FAM240A: variants seen among roughly 807,000 people sequenced by gnomAD.
FAM240A encodes protein FAM240A.
FAM240A carries 8 observed loss-of-function variants against 7.3 expected under a neutral mutation model. The ratio of observed to expected loss-of-function variants is 1.09; its 90% CI spans 0.64 to 1.97. The LOEUF (loss-of-function observed/expected upper bound fraction) is 1.97. Among genes scored for constraint, FAM240A ranks in the 30% most tolerant of loss-of-function variants. FAM240A has a pLI of 0.00. For missense variants in FAM240A, 90 were observed against 102.2 expected (o/e 0.88, Z 0.52); for synonymous variants, 32 against 35.9 (o/e 0.89, Z 0.38).
chr3:46,622,383 G>A (rs1422681979), intron 2 of FAM240A, among the ~76,000 whole-genome samples: 1 of 151,992 alleles, frequency 6.6e-6, no homozygotes, highest in Non-Finnish European at 1.5e-5. Context: ...TGGGATTACA[G>A]GTGTGAGCCA....
At chr3:46,616,224 C>T (rs1444531832) in intron 1 of FAM240A, among the ~76,000 whole-genome samples, 1 of 152,204 alleles carries the variant, frequency 6.6e-6, no homozygotes, top group Non-Finnish European at 1.5e-5. Context: ...CCACCATTGT[C>T]CTCCCACTTG....
At position 46,617,318 on chromosome 3, in the gene FAM240A, G is replaced by T; in HGVS notation, c.151G>T (p.Ala51Ser). Reference sequence around the variant, plus strand: ...AGAGGAACGTCGTCTGGGAAGAAGCGCACTGAGAAAGTATGTGGCTTGTTT... The same window carrying T: ...AGAGGAACGTCGTCTGGGAAGAAGCTCACTGAGAAAGTATGTGGCTTGTTT... ...ESEERRLGRS[A>S]LRKLREEWKQ... The change falls in exon 2 of 3, where the codon GCA becomes TCA. Residue 51 changes from alanine (A) to serine (S), a missense_variant. Coordinates refer to ENST00000640551, the MANE Select transcript of FAM240A (RefSeq NM_001195442.2). 1 of 1,526,168 alleles carries T rather than the reference G, an allele frequency of 6.6e-7. No homozygotes were observed. The highest frequency in any genetic ancestry group is 8.7e-7 in the Non-Finnish European group (1 of 1,143,420). The allele number at this position is 1,526,168 out of a possible 1,614,324, so 94.5% of individuals were successfully genotyped here.
chr3:46,615,908 C>T (rs1233229294), intron 1 of FAM240A, among the ~76,000 whole-genome samples: 1 of 152,074 alleles, frequency 6.6e-6, no homozygotes, highest in African/African-American at 2.4e-5. Flanking sequence ...GCACTGGAAC[C>T]ATTTTCTCTG....
intron 1 of FAM240A, 101 bp downstream of exon 1, chr3:46,612,799 C>T: frequency 1.1e-6 from 1 of 896,266 alleles, no homozygotes; most frequent in Non-Finnish European, 1.8e-6. Flanking sequence ...GACGCAGCAG[C>T]ACGAATTCTC....
chr3:46,618,336 T>C (rs1366558462), intron 2 of FAM240A, among the ~76,000 whole-genome samples: 1 of 152,238 alleles, frequency 6.6e-6, no homozygotes, highest in African/African-American at 2.4e-5. Context: ...GCCAGTCATT[T>C]CTGCAGTTCC....
At chr3:46,619,617 C>A (rs1697673286) in intron 2 of FAM240A, among the ~76,000 whole-genome samples, 1 of 152,176 alleles carries the variant, frequency 6.6e-6, no homozygotes, top group Non-Finnish European at 1.5e-5. Flanking sequence ...TCTGGGGGTC[C>A]CAGCTTCAGA....
intron 2 of FAM240A, among the ~76,000 whole-genome samples, chr3:46,618,877 A>G (rs6766295): frequency 1.5e-5 from 1 of 68,916 alleles, no homozygotes; most frequent in African/African-American, 7.3e-5. Flanking sequence ...GTATATATAT[A>G]TATATACACA....
At position 46,616,010 on chromosome 3, in the gene FAM240A, G is replaced by A. The variant is rs77691508; in HGVS notation, c.16-1173G>A. Among the ~76,000 whole-genome samples, 476 of 152,344 alleles carry A rather than the reference G, an allele frequency of 3.1e-3. 15 individuals are homozygous for A. In the East Asian group the frequency reaches 0.055, roughly 18 times the overall value. ...TCACCTAAAAGATGAAGAAGGTCAT[G>A]GCCATCTCATGTGGATGTTGTGATA... On this transcript the variant is annotated intron_variant, in intron 1 of 2. Coordinates refer to ENST00000640551, the MANE Select transcript of FAM240A (RefSeq NM_001195442.2).
At chr3:46,616,930 T>G (rs1697636287) in intron 1 of FAM240A, among the ~76,000 whole-genome samples, 1 of 152,196 alleles carries the variant, frequency 6.6e-6, no homozygotes, top group Non-Finnish European at 1.5e-5. Flanking sequence ...TTGAGAAATC[T>G]CCATACTGTT....
intron 2 of FAM240A, among the ~76,000 whole-genome samples, chr3:46,621,547 C>T (rs750729327): frequency 7.9e-5 from 12 of 152,170 alleles, no homozygotes; most frequent in Non-Finnish European, 1.6e-4. Context: ...GCAGGTAGAA[C>T]ACTTGAGTTT....
rs1453393843 is a variant in FAM240A at position 46,626,515 on chromosome 3, T to TC, written c.*1302dup. 3 of 152,170 alleles carry TC rather than the reference T, an allele frequency of 2.0e-5. No homozygotes were observed. The highest frequency in any genetic ancestry group is 2.9e-5 in the Non-Finnish European group (2 of 68,034). 9.4% of individuals were successfully genotyped at this position (152,170 alleles called of 1,614,324 possible). A position where few individuals can be genotyped will look rare whatever the true frequency, so the allele number is the denominator to read the frequency against. ...GCTACTGGACCATCCCTATGTAAGTTCCCCCAATAAACCCTATGTCTCATT... is the reference window on the plus strand; with the variant it reads ...GCTACTGGACCATCCCTATGTAAGTTCCCCCCAATAAACCCTATGTCTCATT... On this transcript the variant is annotated 3_prime_UTR_variant, in exon 3 of 3. Coordinates refer to ENST00000640551, the MANE Select transcript of FAM240A (RefSeq NM_001195442.2).
chr3:46,624,848 T>C (rs868030884), intron 2 of FAM240A, among the ~76,000 whole-genome samples: 14 of 152,106 alleles, frequency 9.2e-5, no homozygotes, highest in Middle Eastern at 3.4e-3. Context: ...AGGTTTACTC[T>C]CCCTGACTGC....
intron 2 of FAM240A, among the ~76,000 whole-genome samples, chr3:46,623,122 A>G (rs554597276): frequency 1.6e-4 from 25 of 152,152 alleles, no homozygotes; most frequent in Non-Finnish European, 2.4e-4. Flanking sequence ...TTTTGATATT[A>G]TTATAATTGC....
chr3:46,617,281 C>A lies in FAM240A; in HGVS notation c.114C>A (p.Tyr38Ter). Reference sequence around the variant, plus strand: ...AAAGGGAAATTGGCAAACAGACTTACTACCGAGAATCAGAGGAACGTCGTC... The same window carrying A: ...AAAGGGAAATTGGCAAACAGACTTAATACCGAGAATCAGAGGAACGTCGTC... ...FWEREIGKQT[Y>*]YRESEERRLG... Residue 38 changes from tyrosine (Y) to a stop codon, truncating the protein, a stop_gained, in exon 2 of 3, where the codon TAC (tyrosine) becomes TAA (stop). Coordinates refer to ENST00000640551, the MANE Select transcript of FAM240A (RefSeq NM_001195442.2). LOFTEE classifies it low-confidence loss of function (END_TRUNC). The A allele has an allele frequency of 1.3e-6, 2 of 1,535,394 alleles. No individual in the cohort carries two copies. The highest frequency in any genetic ancestry group is 1.7e-6 in the Non-Finnish European group (2 of 1,146,444).
At position 46,617,165 on chromosome 3, in the gene FAM240A, G is replaced by A. The variant is rs1292130156; in HGVS notation, c.16-18G>A. On this transcript the variant is annotated intron_variant, in intron 1 of 2. Coordinates refer to ENST00000640551, the MANE Select transcript of FAM240A (RefSeq NM_001195442.2). ...TCATATGTTTTTTGGTTATTTGTAT[G>A]GCTATTTTCCTTTTTAGGGGATGAA... 2.7e-6 allele frequency: 4 copies of A among 1,491,594 alleles called. No homozygotes were observed. In the East Asian group the frequency reaches 1.0e-4, roughly 37 times the overall value. The allele number at this position is 1,491,594 out of a possible 1,614,324, so 92.4% of individuals were successfully genotyped here.
At chr3:46,617,920 G>C (rs929156252) in intron 2 of FAM240A, among the ~76,000 whole-genome samples, 1 of 152,174 alleles carries the variant, frequency 6.6e-6, no homozygotes, top group Non-Finnish European at 1.5e-5. Flanking sequence ...GACTCCCGTG[G>C]GCAAACGAGG....
intron 2 of FAM240A, among the ~76,000 whole-genome samples, chr3:46,617,564 A>G (rs1483191030): frequency 1.3e-5 from 2 of 152,148 alleles, no homozygotes; most frequent in Non-Finnish European, 2.9e-5. Flanking sequence ...GAGCAAAATT[A>G]ATTTCCCCAG....
At chr3:46,623,157 T>G (rs1460641207) in intron 2 of FAM240A, among the ~76,000 whole-genome samples, 1 of 152,184 alleles carries the variant, frequency 6.6e-6, no homozygotes, top group Non-Finnish European at 1.5e-5. Flanking sequence ...AATTTATGGT[T>G]GTTTCTTTGA....
chr3:46,618,922 T>C (rs2385857), intron 2 of FAM240A, among the ~76,000 whole-genome samples: 44,258 of 142,164 alleles, frequency 0.31, 7,654 homozygotes, highest in Non-Finnish European at 0.4. Flanking sequence ...CACACACATA[T>C]GCAGTATCTA....
Sources: gnomAD v4.1 joint callset for allele counts (sites outside exome capture counted in the v4.1 genomes callset) on GRCh38, gnomAD v4.1.1 for gene constraint, MANE v1.5 for transcripts, NCBI Gene and HGNC (gene_info 2026-07-23, HGNC 2026-07-21) for gene names.